Variants in PIR observed in about 807,000 individuals in gnomAD.
PIR encodes pirin.
Under a neutral mutation model 24.2 loss-of-function variants are expected in PIR, and 22 were observed. The ratio of observed to expected loss-of-function variants is 0.91; its 90% CI spans 0.65 to 1.30. PIR has a LOEUF of 1.30. Ranked by LOEUF, PIR falls within the 50% of genes most tolerant of loss-of-function variation. The probability of loss-of-function intolerance (pLI) is 0.00; values close to 1 mark genes in which losing one functional copy is unlikely to be tolerated. For synonymous variants in PIR, 80 were observed against 79.6 expected, an observed-to-expected ratio of 1.00 and a Z score of -0.03; for missense variants, 220 against 220.3, an observed-to-expected ratio of 1.00 and a Z score of 0.01.
rs73449372 is a variant in PIR, at chrX:15,418,049, A to G, written c.565+7857T>C. On this transcript the variant is annotated intron_variant, in intron 6 of 9. Coordinates refer to ENST00000380420, the MANE Select transcript of PIR (RefSeq NM_001018109.3). ...AGAGGGGTAGACTATATGGTTTCTA[A>G]ATAAATTTTGTTTATTGATCTACAT... 1.2e-3 allele frequency among the ~76,000 whole-genome samples: 137 copies of G among 112,104 alleles called. 2 individuals are homozygous for G. Among genetic ancestry groups the G allele is most frequent in the African/African-American group, 4.1e-3 (127 of 30,899 alleles).
rs1272414977 is a variant in PIR at position 15,454,480 on chromosome X, AAAAAAAAC to A, written c.480+1360_480+1367del. ...ACCTAGGCAGGGTACAGGTAAAAAA[AAAAAAAAC>A]AAAAAAACAAAAATAAAAACGGTAA... On this transcript the variant is annotated intron_variant, in intron 5 of 9. Coordinates refer to ENST00000380420, the MANE Select transcript of PIR (RefSeq NM_001018109.3). Among the ~76,000 whole-genome samples, 5 of 109,763 alleles carry A rather than the reference AAAAAAAAC, an allele frequency of 4.6e-5. No homozygotes were observed. The South Asian group carries it at 1.2e-3, about 26-fold the overall frequency.
At chrX:15,481,926 A>T (rs899713445) in intron 2 of PIR, among the ~76,000 whole-genome samples, 1 of 111,621 alleles carries the variant, frequency 9.0e-6, no homozygotes, top group East Asian at 2.8e-4. Flanking sequence ...CTGGGATTCA[A>T]GCTGAAACAG....
intron 6 of PIR, among the ~76,000 whole-genome samples, chrX:15,414,021 T>C (rs1050295365): frequency 4.5e-5 from 5 of 112,012 alleles, no homozygotes; most frequent in Non-Finnish European, 3.8e-5. Flanking sequence ...ATTTAACATT[T>C]TGAATGAGAA....
chrX:15,452,325 T>C (rs945282148), intron 5 of PIR, among the ~76,000 whole-genome samples: 3 of 111,908 alleles, frequency 2.7e-5, no homozygotes, highest in African/African-American at 9.8e-5. Context: ...TGACAGGAAC[T>C]ATTCAAACTA....
intron 5 of PIR, among the ~76,000 whole-genome samples, chrX:15,452,287 T>C (rs1257698256): frequency 1.8e-5 from 2 of 112,049 alleles, no homozygotes; most frequent in African/African-American, 6.5e-5. Context: ...TTTCATGAAA[T>C]AAACATGTGA....
chrX:15,470,209 T>C (rs1031888641), intron 3 of PIR, among the ~76,000 whole-genome samples: 6 of 111,856 alleles, frequency 5.4e-5, no homozygotes, highest in African/African-American at 2.0e-4. Flanking sequence ...AGTTTCCTCA[T>C]GTGTAAAATG....
intron 7 of PIR, among the ~76,000 whole-genome samples, chrX:15,403,664 G>T (rs1251784631): frequency 9.0e-6 from 1 of 110,944 alleles, no homozygotes; most frequent in Non-Finnish European, 1.9e-5. Flanking sequence ...CTTAGCAAAA[G>T]ATTGTTGTCA....
intron 4 of PIR, among the ~76,000 whole-genome samples, chrX:15,459,172 C>A (rs141665157): frequency 1.8e-5 from 2 of 111,813 alleles, no homozygotes; most frequent in East Asian, 2.8e-4. Context: ...GTGATAACAC[C>A]TAACCCTGCA....
intron 7 of PIR, among the ~76,000 whole-genome samples, chrX:15,403,150 C>A (rs1281282420): frequency 2.7e-5 from 3 of 111,468 alleles, no homozygotes; most frequent in Non-Finnish European, 5.6e-5. Flanking sequence ...TGCTGGTGCA[C>A]ATTTGTGTTT....
intron 2 of PIR, among the ~76,000 whole-genome samples, chrX:15,485,457 G>A (rs1922759205): frequency 9.0e-6 from 1 of 111,705 alleles, no homozygotes; most frequent in Admixed American, 9.5e-5. Context: ...CATATTGAGT[G>A]TTAGGTTTCA....
At chrX:15,407,603 C>A in intron 6 of PIR, 53 bp from the exon 7 acceptor site, 2 of 892,729 alleles carry the variant, frequency 2.2e-6, no homozygotes, top group Non-Finnish European at 1.7e-6. Flanking sequence ...CCAAAAGGAA[C>A]AAAGACATAT....
chrX:15,384,972 G>T lies in PIR; in HGVS notation c.*32C>A. ...CAATCTCAGAAATGGCAAAATTCTA[G>T]GACACATCAAGACCTGCTCTTCCGC... On this transcript the variant is annotated 3_prime_UTR_variant, in exon 10 of 10. Coordinates refer to ENST00000380420, the MANE Select transcript of PIR (RefSeq NM_001018109.3). 2.5e-6 allele frequency: 2 copies of T among 802,117 alleles called. No individual in the cohort carries two copies. The highest frequency in any genetic ancestry group is 3.8e-6 in the Non-Finnish European group (2 of 529,799). The allele number at this position is 802,117 out of a possible 1,213,427, so 66.1% of individuals were successfully genotyped here.
intron 6 of PIR, among the ~76,000 whole-genome samples, chrX:15,416,369 A>C (rs1924916261): frequency 8.9e-6 from 1 of 112,201 alleles, no homozygotes; most frequent in African/African-American, 3.2e-5. Flanking sequence ...TCTCCTTAAA[A>C]GTAGAGAAAG....
intron 5 of PIR, among the ~76,000 whole-genome samples, chrX:15,444,659 T>C (rs1926029170): frequency 8.9e-6 from 1 of 111,763 alleles, no homozygotes; most frequent in African/African-American, 3.3e-5. Flanking sequence ...TTAATGACAG[T>C]CACCAGAACT....
At chrX:15,433,530 A>AAGAAAGAAAGAAAGAGAG (rs199981164) in intron 5 of PIR, among the ~76,000 whole-genome samples, 9 of 79,256 alleles carry the variant, frequency 1.1e-4, no homozygotes, top group Non-Finnish European at 1.8e-4. Context: ...GAAAGAAAGA[A>AAGAAAGAAAGAAAGAGAG]AGAAAGAAAG....
intron 3 of PIR, among the ~76,000 whole-genome samples, chrX:15,478,931 G>T (rs1922351625): frequency 1.8e-5 from 2 of 111,917 alleles, no homozygotes; most frequent in South Asian, 7.4e-4. Flanking sequence ...ACAAGCCCTG[G>T]TCTCTTCCCT....
chrX:15,490,328 A>G (rs1234391710), intron 2 of PIR, among the ~76,000 whole-genome samples: 1 of 112,126 alleles, frequency 8.9e-6, no homozygotes, highest in Non-Finnish European at 1.9e-5. Context: ...ACCCTTTTAA[A>G]GCTTAAGTTG....
chrX:15,425,992 T>A lies in PIR; in HGVS notation c.481-2A>T. 1 of 1,147,984 alleles carries A rather than the reference T, an allele frequency of 8.7e-7. No individual in the cohort carries two copies. Among genetic ancestry groups the A allele is most frequent in the Non-Finnish European group, 1.2e-6 (1 of 838,974 alleles). The allele number at this position is 1,147,984 out of a possible 1,213,427, so 94.6% of individuals were successfully genotyped here. On this transcript the variant is annotated splice_acceptor_variant, in intron 5 of 9. Coordinates refer to ENST00000380420, the MANE Select transcript of PIR (RefSeq NM_001018109.3). LOFTEE classifies it high-confidence loss of function. ...TGGTGTGCGAGTGTAAACCTTGGAC[T>A]GAAAAGGAAAAGGAAACCATCAGTG...
intron 7 of PIR, among the ~76,000 whole-genome samples, chrX:15,401,691 T>C (rs1036612931): frequency 6.2e-5 from 7 of 112,266 alleles, no homozygotes; most frequent in African/African-American, 9.7e-5. Flanking sequence ...AAAAATTAAC[T>C]GAAAACAATT....
Sources: gnomAD v4.1 joint callset for allele counts (sites outside exome capture counted in the v4.1 genomes callset) on GRCh38, gnomAD v4.1.1 for gene constraint, MANE v1.5 for transcripts, NCBI Gene and HGNC (gene_info 2026-07-23, HGNC 2026-07-21) for gene names.